ACACA: variants seen among roughly 807,000 people sequenced by gnomAD.
The protein encoded by ACACA is acetyl-CoA carboxylase alpha, also known as acetyl-CoA carboxylase 1.
In ACACA, 103 loss-of-function variants were observed where a neutral mutation model predicts 296.1. The ratio of observed to expected loss-of-function variants is 0.35; its 90% confidence interval spans 0.30 to 0.41. The LOEUF is 0.41. Among genes scored for constraint, ACACA ranks in the 10% least tolerant of loss-of-function variants. The pLI is 1.00. For missense variants in ACACA, 1,554 were observed against 2,989.7 expected (o/e 0.52, Z 11.20); for synonymous variants, 953 against 1,038.6 (o/e 0.92, Z 1.58).
At chr17:37,167,485 A>G (rs1220279060) in intron 41 of ACACA, among the ~76,000 whole-genome samples, 1 of 146,662 alleles carries the variant, frequency 6.8e-6, no homozygotes, top group East Asian at 2.1e-4. Context: ...CGCCCGGCTA[A>G]TTTTTGTATT....
At chr17:37,212,003 T>C (rs139984097) in intron 29 of ACACA, among the ~76,000 whole-genome samples, 6 of 152,284 alleles carry the variant, frequency 3.9e-5, no homozygotes, top group African/African-American at 1.4e-4. Context: ...GAGGTACAGC[T>C]GAACAGAAAA....
chr17:37,299,539 C>T, intron 3 of ACACA: 1 of 1,422,082 alleles, frequency 7.0e-7, no homozygotes, highest in Non-Finnish European at 9.2e-7. Context: ...CCTTCTTTCC[C>T]CACCTTTCTC....
At chr17:37,260,292 A>T (rs1489440672) in intron 11 of ACACA, among the ~76,000 whole-genome samples, 2,621 of 16,404 alleles carry the variant, frequency 0.16, 248 homozygotes, top group East Asian at 0.42. Context: ...ATATATATAT[A>T]TATATTTTTT....
chr17:37,185,162 G>A (rs2077476929), intron 39 of ACACA, among the ~76,000 whole-genome samples: 1 of 152,164 alleles, frequency 6.6e-6, no homozygotes, highest in African/African-American at 2.4e-5. Flanking sequence ...GTATACATTT[G>A]ACAGAATGAA....
rs1011081334 is a variant in ACACA at position 37,086,957 on chromosome 17, C to T, written c.*359G>A. On this transcript the variant is annotated 3_prime_UTR_variant, in exon 56 of 56. Coordinates refer to ENST00000616317, the MANE Select transcript of ACACA (RefSeq NM_198834.3). ...TGCTGGGCAACTCCTCACGCTTCCC[C>T]ATGCTGGGAGGCCAAGGGGCTGTCA... The T allele has an allele frequency of 2.8e-6, 1 of 361,486 alleles. No homozygotes were observed. The highest frequency in any genetic ancestry group is 5.3e-6 in the Non-Finnish European group (1 of 187,554). The allele number at this position is 361,486 out of a possible 1,614,324, so 22.4% of individuals were successfully genotyped here.
At chr17:37,262,728 CTTAT>C (rs763283369) in intron 11 of ACACA, among the ~76,000 whole-genome samples, 3 of 151,902 alleles carry the variant, frequency 2.0e-5, no homozygotes, top group Non-Finnish European at 2.9e-5. Flanking sequence ...CCGTATTTTG[CTTAT>C]TTATTTATTT....
rs189618982 is a variant in ACACA at position 37,376,011 on chromosome 17, G to A, written c.38+30251C>T. The stretch of plus-strand genomic sequence containing the variant: ...AAACTTGGTTCCAGCTGCGTGTGGT[G>A]AAAGCAACTAGAGGCAGAGCTATCA... On this transcript the variant is annotated intron_variant, in intron 1 of 55. Coordinates refer to ENST00000616317, the MANE Select transcript of ACACA (RefSeq NM_198834.3). 3.3e-4 allele frequency: 417 copies of A among 1,251,908 alleles called. No homozygotes were observed. The African/African-American group carries it at 5.7e-3, about 17-fold the overall frequency. 77.5% of individuals were successfully genotyped at this position (1,251,908 alleles called of 1,614,324 possible).
chr17:37,172,521 T>G (rs1347332282), intron 41 of ACACA, among the ~76,000 whole-genome samples: 2 of 152,218 alleles, frequency 1.3e-5, no homozygotes, highest in Non-Finnish European at 2.9e-5. Flanking sequence ...AAGATCATTT[T>G]AGACAAAGAC....
chr17:37,290,552 G>A (rs1159042306), intron 3 of ACACA, among the ~76,000 whole-genome samples: 1 of 152,138 alleles, frequency 6.6e-6, no homozygotes, highest in African/African-American at 2.4e-5. Context: ...ACTTGCCCAT[G>A]ATCATTCACA....
chr17:37,180,102 G>A (rs757713456), intron 40 of ACACA, among the ~76,000 whole-genome samples: 38 of 152,170 alleles, frequency 2.5e-4, no homozygotes, highest in Non-Finnish European at 4.6e-4. Flanking sequence ...TGAATCCCAA[G>A]TGACTCATAC....
chr17:37,170,507 G>A (rs142718202), intron 41 of ACACA, among the ~76,000 whole-genome samples: 3 of 152,154 alleles, frequency 2.0e-5, no homozygotes, highest in Admixed American at 6.5e-5. Flanking sequence ...CACAACCTCC[G>A]ATCAGAGGTG....
At chr17:37,359,830 A>G (rs1011204288) in intron 1 of ACACA, among the ~76,000 whole-genome samples, 1 of 152,042 alleles carries the variant, frequency 6.6e-6, no homozygotes, top group Admixed American at 6.5e-5. Flanking sequence ...TTCGCTCCTC[A>G]GCCCCGAGAC....
At chr17:37,342,436 A>AAAAT (rs1555652530) in intron 1 of ACACA, among the ~76,000 whole-genome samples, 45 of 58,210 alleles carry the variant, frequency 7.7e-4, no homozygotes, top group East Asian at 2.5e-3. Flanking sequence ...AAAAAAAAAA[A>AAAAT]ATATATATAT....
chr17:37,128,111 G>A (rs745916235), intron 47 of ACACA, among the ~76,000 whole-genome samples: 7 of 146,168 alleles, frequency 4.8e-5, no homozygotes, highest in African/African-American at 7.6e-5. Context: ...AAACTATTTC[G>A]TTTTATTAAA....
At position 37,379,135 on chromosome 17, in the gene ACACA, A is replaced by C. The variant is rs1568076953; in HGVS notation, c.38+27127T>G. ...TTTTCTATCTGGTTCTTCTCCTTCC[A>C]GAAACTCACACAGAAACCAAAAGGA... is the stretch of plus-strand genomic sequence containing the variant. On this transcript the variant is annotated intron_variant, in intron 1 of 55. Coordinates refer to ENST00000616317, the MANE Select transcript of ACACA (RefSeq NM_198834.3). 3.7e-6 allele frequency: 6 copies of C among 1,610,452 alleles called. No individual in the cohort carries two copies. The Middle Eastern group carries it at 8.3e-4, about 222-fold the overall frequency.
intron 1 of ACACA, chr17:37,379,082 A>G (rs974759606): frequency 1.9e-6 from 3 of 1,551,304 alleles, no homozygotes; most frequent in African/African-American, 1.4e-5. Context: ...AAAAAAACCA[A>G]CCAAACAAAA....
At chr17:37,401,440 G>C (rs564525194) in intron 1 of ACACA, among the ~76,000 whole-genome samples, 1 of 151,798 alleles carries the variant, frequency 6.6e-6, no homozygotes, top group South Asian at 2.1e-4. Flanking sequence ...TGATCCACCC[G>C]CCTCGGCCTC....
chr17:37,185,398 A>ATTTTTTT (rs2077488489), intron 39 of ACACA, among the ~76,000 whole-genome samples: 1 of 50,396 alleles, frequency 2.0e-5, no homozygotes, highest in African/African-American at 1.0e-4. Context: ...ATGCCTGGCT[A>ATTTTTTT]TTTCTTTTTT....
Position 37,086,410 on chromosome 17 carries a change from A to C in ACACA, c.*906T>G, listed in dbSNP as rs915125720. ...TATCTATCTATCTCACTGGCTCTCC[A>C]CATGGCATAAATAACTAGTTTCCAC... On this transcript the variant is annotated 3_prime_UTR_variant, in exon 56 of 56. Transcript: ENST00000616317. 6.6e-6 allele frequency: 1 copy of C among 152,284 alleles called. No homozygotes were observed. Among genetic ancestry groups the C allele is most frequent in the Non-Finnish European group, 1.5e-5 (1 of 68,072 alleles). The allele number at this position is 152,284 out of a possible 1,614,324, so 9.4% of individuals were successfully genotyped here.
Sources: allele counts gnomAD v4.1 joint callset (sites outside exome capture counted in the v4.1 genomes callset), GRCh38; gene constraint gnomAD v4.1.1; transcripts MANE v1.5; gene names NCBI Gene and HGNC (gene_info 2026-07-23, HGNC 2026-07-21).